NRXN3: variants seen among roughly 807,000 people sequenced by gnomAD.
NRXN3 encodes neurexin 3.
In NRXN3, 32 loss-of-function variants were observed where a neutral mutation model predicts 137.6. The observed-to-expected ratio is 0.23, with a 90% CI of 0.18 to 0.31. NRXN3 has a LOEUF of 0.31. Among genes scored for constraint, NRXN3 ranks in the 10% least tolerant of loss-of-function variants. The pLI is 1.00. For missense variants in NRXN3, 1,574 were observed against 2,062.5 expected (o/e 0.76, Z 4.59); for synonymous variants, 798 against 784.5 (o/e 1.02, Z -0.29).
chr14:78,393,421 A>G (rs1484061581), intron 4 of NRXN3, among the ~76,000 whole-genome samples: 1 of 151,972 alleles, frequency 6.6e-6, no homozygotes, highest in African/African-American at 2.4e-5. Flanking sequence ...TCTTATAGCC[A>G]TACTAACTTC....
chr14:78,808,073 A>T (rs1301615659), intron 9 of NRXN3, among the ~76,000 whole-genome samples: 1 of 152,074 alleles, frequency 6.6e-6, no homozygotes, highest in African/African-American at 2.4e-5. Context: ...ATACATACAC[A>T]TTCAGTAACA....
chr14:78,995,661 A>G (rs949565894), intron 15 of NRXN3, among the ~76,000 whole-genome samples: 45 of 152,224 alleles, frequency 3.0e-4, no homozygotes, highest in Admixed American at 2.6e-4. Flanking sequence ...CAAAAAGTTA[A>G]AAACATGACT....
intron 4 of NRXN3, among the ~76,000 whole-genome samples, chr14:78,426,435 T>C (rs796075582): frequency 3.9e-5 from 6 of 152,336 alleles, no homozygotes; most frequent in African/African-American, 1.4e-4. Flanking sequence ...TCTTCTAGGT[T>C]CCTGGCTGGG....
chr14:78,670,329 A>C (rs760279050), intron 6 of NRXN3, among the ~76,000 whole-genome samples: 1 of 152,144 alleles, frequency 6.6e-6, no homozygotes, highest in Non-Finnish European at 1.5e-5. Context: ...ATACGTGTGC[A>C]TGTGTCTTTA....
At chr14:78,219,535 T>A (rs2063620770) in intron 1 of NRXN3, among the ~76,000 whole-genome samples, 1 of 152,232 alleles carries the variant, frequency 6.6e-6, no homozygotes, top group Admixed American at 6.5e-5. Context: ...GCCCTGCCTC[T>A]TAGCTGTGTG....
chr14:78,418,583 T>G (rs1302683248), intron 4 of NRXN3, among the ~76,000 whole-genome samples: 1 of 152,144 alleles, frequency 6.6e-6, no homozygotes, highest in Non-Finnish European at 1.5e-5. Flanking sequence ...TGGAAACATG[T>G]CAGAGTGTGC....
At chr14:78,526,549 ACTTT>A (rs138583807) in intron 4 of NRXN3, among the ~76,000 whole-genome samples, 4,302 of 152,282 alleles carry the variant, frequency 0.028, 76 homozygotes, top group South Asian at 0.058. Context: ...TGTTTCATGT[ACTTT>A]CTTTCATTCA....
At chr14:79,345,502 T>C (rs1402869340) in intron 15 of NRXN3, among the ~76,000 whole-genome samples, 1 of 152,166 alleles carries the variant, frequency 6.6e-6, no homozygotes, top group Non-Finnish European at 1.5e-5. Flanking sequence ...AGATTCACAA[T>C]GCCATGTCTT....
rs190327420 is a variant in NRXN3 at position 79,864,656 on chromosome 14, C to A, written c.*2692C>A. ...ATGATAGAATAACCAGGAGGGAGTG[C>A]ATTTTTCTGGAAAGATGATAGAAAC... is the stretch of plus-strand genomic sequence containing the variant. On this transcript the variant is annotated 3_prime_UTR_variant, in exon 21 of 21. Coordinates refer to ENST00000335750, the MANE Select transcript of NRXN3 (RefSeq NM_001330195.2). 16 of 152,228 alleles carry A rather than the reference C, an allele frequency of 1.1e-4. No individual in the cohort carries two copies. Among genetic ancestry groups the A allele is most frequent in the Admixed American group, 1.0e-3 (16 of 15,296 alleles). The allele number at this position is 152,228 out of a possible 1,614,324, so 9.4% of individuals were successfully genotyped here. A position where few individuals can be genotyped will look rare whatever the true frequency, so the allele number is the denominator to read the frequency against.
At chr14:79,768,714 G>A (rs1001252879) in intron 19 of NRXN3, among the ~76,000 whole-genome samples, 109 of 152,302 alleles carry the variant, frequency 7.2e-4, no homozygotes, top group African/African-American at 1.2e-3. Flanking sequence ...AAAGCAGAGC[G>A]CCTCTCCTCC....
At chr14:79,413,762 T>C (rs1221977855) in intron 15 of NRXN3, among the ~76,000 whole-genome samples, 1 of 152,030 alleles carries the variant, frequency 6.6e-6, no homozygotes, top group African/African-American at 2.4e-5. Context: ...CATGCGACTC[T>C]TTTTGGTTTT....
intron 4 of NRXN3, among the ~76,000 whole-genome samples, chr14:78,620,463 C>A (rs946551957): frequency 6.6e-6 from 1 of 152,130 alleles, no homozygotes; most frequent in African/African-American, 2.4e-5. Flanking sequence ...CAAATGAATG[C>A]CTTTTTATCA....
chr14:78,855,180 C>CAA (rs2099053688), intron 10 of NRXN3, among the ~76,000 whole-genome samples: 1 of 148,704 alleles, frequency 6.7e-6, no homozygotes, highest in African/African-American at 2.5e-5. Context: ...AAAAAACATA[C>CAA]AAAAAAGGTA....
intron 4 of NRXN3, among the ~76,000 whole-genome samples, chr14:78,490,684 C>A (rs1403994880): frequency 6.6e-6 from 1 of 152,190 alleles, no homozygotes; most frequent in Admixed American, 6.5e-5. Context: ...AGCTAACTCT[C>A]ATGTAAGGTA....
rs369968242 is a variant in NRXN3 at position 78,403,440 on chromosome 14, C to T, written c.757+105580C>T. 1.9e-4 allele frequency among the ~76,000 whole-genome samples: 29 copies of T among 152,278 alleles called. 2 individuals carry two copies. The South Asian group carries it at 5.8e-3, about 30-fold the overall frequency. ...TGGGAATCTTAGGTCCATGTGACTT[C>T]CTGAGTCAGTGATTCACACTGAGAA... On this transcript the variant is annotated intron_variant, in intron 4 of 20. Transcript: ENST00000335750.
In NRXN3 at chr14:79,159,047, G is replaced by A. The variant is rs2060513747; in HGVS notation, c.3262+170906G>A. Among the ~76,000 whole-genome samples, 2 of 151,694 alleles carry A rather than the reference G, an allele frequency of 1.3e-5. 1 individual carries two copies. The highest frequency in any genetic ancestry group is 4.1e-4 in the South Asian group (2 of 4,820). On this transcript the variant is annotated intron_variant, in intron 15 of 20. Coordinates refer to ENST00000335750, the MANE Select transcript of NRXN3 (RefSeq NM_001330195.2). ...TGAGTGGTTTTGTGTTTTTGTTTGT[G>A]GTTTGCAAAAGCTTTGGCTTTCTCA...
At chr14:78,691,155 T>C (rs2098167313) in intron 6 of NRXN3, among the ~76,000 whole-genome samples, 1 of 152,146 alleles carries the variant, frequency 6.6e-6, no homozygotes, top group Non-Finnish European at 1.5e-5. Context: ...TGCACAGATA[T>C]TGCATATTAT....
Position 79,867,837 on chromosome 14 carries a change from T to C in NRXN3, c.*5873T>C, listed in dbSNP as rs1411169141. The stretch of plus-strand genomic sequence containing the variant: ...AGGATCACGTGAGTAGGGCCCAGGA[T>C]AGAAGAGCAGTGTTAGGGTTGCATG... On this transcript the variant is annotated 3_prime_UTR_variant, in exon 21 of 21. Coordinates refer to ENST00000335750, the MANE Select transcript of NRXN3 (RefSeq NM_001330195.2). The C allele has an allele frequency of 6.6e-6, 1 of 152,116 alleles. No homozygotes were observed. The highest frequency in any genetic ancestry group is 1.5e-5 in the Non-Finnish European group (1 of 68,052). 9.4% of individuals were successfully genotyped at this position (152,116 alleles called of 1,614,324 possible).
At chr14:79,564,972 G>A (rs1034667307) in intron 16 of NRXN3, among the ~76,000 whole-genome samples, 3 of 152,162 alleles carry the variant, frequency 2.0e-5, no homozygotes, top group African/African-American at 4.8e-5. Context: ...ATCACAGCAA[G>A]CTTAATTAGG....
Sources: allele counts gnomAD v4.1 joint callset (sites outside exome capture counted in the v4.1 genomes callset), GRCh38; gene constraint gnomAD v4.1.1; transcripts MANE v1.5; gene names NCBI Gene and HGNC (gene_info 2026-07-23, HGNC 2026-07-21).